The following KDM4C variants were observed in gnomAD, a reference collection of about 807,000 sequenced individuals.
KDM4C encodes lysine demethylase 4C.
Under a neutral mutation model 129.3 loss-of-function variants are expected in KDM4C, and 81 were observed. That is an observed-to-expected ratio of 0.63 (90% CI 0.52 to 0.75). The LOEUF (loss-of-function observed/expected upper bound fraction) is 0.75, where lower values mean the gene tolerates loss of function less well. Ranked by LOEUF, KDM4C falls within the 30% of genes least tolerant of loss-of-function variation. The pLI, the probability that KDM4C is intolerant of heterozygous loss-of-function variation, is 0.00. For missense variants in KDM4C, 1,457 were observed against 1,304.0 expected (o/e 1.12, Z -1.81); for synonymous variants, 573 against 456.1 (o/e 1.26, Z -3.26).
At chr9:7,140,923 G>C (rs1841680741) in intron 19 of KDM4C, among the ~76,000 whole-genome samples, 1 of 152,198 alleles carries the variant, frequency 6.6e-6, no homozygotes, top group Non-Finnish European at 1.5e-5. Context: ...AGTGCGACCT[G>C]AATGAAGATC....
chr9:7,161,144 G>A (rs1036225480), intron 19 of KDM4C, among the ~76,000 whole-genome samples: 28 of 152,312 alleles, frequency 1.8e-4, no homozygotes, highest in African/African-American at 6.3e-4. Context: ...AGCCAGGCAC[G>A]GGAGAGAATC....
At chr9:6,816,675 C>G (rs533624324) in intron 4 of KDM4C, among the ~76,000 whole-genome samples, 1 of 152,188 alleles carries the variant, frequency 6.6e-6, no homozygotes, top group African/African-American at 2.4e-5. Context: ...CCCACATCCT[C>G]CCTAACACTC....
chr9:6,763,191 A>G (rs1819924993), intron 1 of KDM4C, among the ~76,000 whole-genome samples: 1 of 152,046 alleles, frequency 6.6e-6, no homozygotes. Flanking sequence ...TCTAGGGAAA[A>G]AGTCCTAACT....
intron 17 of KDM4C, among the ~76,000 whole-genome samples, chr9:7,082,164 G>T (rs1020098291): frequency 1.4e-4 from 18 of 126,280 alleles, no homozygotes; most frequent in Non-Finnish European, 3.0e-4. Flanking sequence ...CCTCACATGG[G>T]GCCTGAGTTT....
At chr9:6,730,778 A>C (rs543654279) in intron 1 of KDM4C, among the ~76,000 whole-genome samples, 10 of 152,258 alleles carry the variant, frequency 6.6e-5, no homozygotes, top group African/African-American at 2.2e-4. Context: ...TAGAAATCAG[A>C]GGTGAGGTCC....
At chr9:7,110,161 T>C (rs1838158761) in intron 18 of KDM4C, among the ~76,000 whole-genome samples, 1 of 152,192 alleles carries the variant, frequency 6.6e-6, no homozygotes, top group Non-Finnish European at 1.5e-5. Flanking sequence ...CAGTGGGAAA[T>C]GCCAAAGTTA....
At chr9:6,846,470 T>G (rs987123172) in intron 4 of KDM4C, among the ~76,000 whole-genome samples, 2 of 152,194 alleles carry the variant, frequency 1.3e-5, no homozygotes, top group Middle Eastern at 3.2e-3. Flanking sequence ...AGAGCCTTTG[T>G]GGAGCCTGTT....
At position 6,946,148 on chromosome 9, in the gene KDM4C, T is replaced by C. The variant is rs144210735; in HGVS notation, c.922-34777T>C. 2.9e-3 allele frequency among the ~76,000 whole-genome samples: 444 copies of C among 152,250 alleles called. 5 individuals carry two copies. In the East Asian group the frequency reaches 0.038, roughly 13 times the overall value. The stretch of plus-strand genomic sequence containing the variant: ...GTTAGTGGATCATATGGATTGGAGA[T>C]GAAGTAGTTGCAATTGATACTATAC... On this transcript the variant is annotated intron_variant, in intron 8 of 21. Coordinates refer to ENST00000381309, the MANE Select transcript of KDM4C (RefSeq NM_015061.6).
intron 4 of KDM4C, among the ~76,000 whole-genome samples, chr9:6,842,550 G>A (rs1837152356): frequency 6.6e-6 from 1 of 151,726 alleles, no homozygotes; most frequent in African/African-American, 2.4e-5. Flanking sequence ...TGTTGACCAG[G>A]GTAGTCTAGA....
intron 4 of KDM4C, among the ~76,000 whole-genome samples, chr9:6,847,240 GA>G (rs1263585104): frequency 6.6e-6 from 1 of 152,138 alleles, no homozygotes; most frequent in Non-Finnish European, 1.5e-5. Flanking sequence ...CTTCACTAAT[GA>G]CTTTTAAATA....
intron 17 of KDM4C, among the ~76,000 whole-genome samples, chr9:7,089,688 C>T (rs559187881): frequency 7.9e-5 from 12 of 152,186 alleles, no homozygotes; most frequent in African/African-American, 2.9e-4. Flanking sequence ...TTCCCATAAA[C>T]TCCTTAAAAC....
chr9:7,061,284 C>G (rs758746162), intron 17 of KDM4C, among the ~76,000 whole-genome samples: 1 of 152,210 alleles, frequency 6.6e-6, no homozygotes, highest in African/African-American at 2.4e-5. Context: ...TACATCTCCT[C>G]AAGATATTCA....
intron 1 of KDM4C, among the ~76,000 whole-genome samples, chr9:6,774,691 C>A (rs748310586): frequency 6.6e-6 from 1 of 152,052 alleles, no homozygotes; most frequent in Non-Finnish European, 1.5e-5. Context: ...AAAATATTTT[C>A]TTGCAGATAT....
chr9:6,877,447 G>A (rs796507709), intron 5 of KDM4C, among the ~76,000 whole-genome samples: 24 of 152,038 alleles, frequency 1.6e-4, no homozygotes, highest in African/African-American at 3.1e-4. Flanking sequence ...TGATCTGCCC[G>A]CCTCGACCTC....
chr9:6,749,662 T>C (rs1353683372), intron 1 of KDM4C, among the ~76,000 whole-genome samples: 1 of 151,462 alleles, frequency 6.6e-6, no homozygotes, highest in East Asian at 1.9e-4. Flanking sequence ...AGTGAGAGCC[T>C]GTCTCAAAAA....
At chr9:6,963,287 A>T (rs892597588) in intron 8 of KDM4C, among the ~76,000 whole-genome samples, 1 of 152,214 alleles carries the variant, frequency 6.6e-6, no homozygotes, top group Non-Finnish European at 1.5e-5. Context: ...TAATTGTTGG[A>T]AATATATTCA....
chr9:7,034,895 G>A (rs1294969277), intron 15 of KDM4C, among the ~76,000 whole-genome samples: 1 of 152,146 alleles, frequency 6.6e-6, no homozygotes, highest in African/African-American at 2.4e-5. Context: ...ATAACTCATT[G>A]TAGTTTTGAT....
chr9:6,882,743 G>C (rs1027135423), intron 6 of KDM4C, among the ~76,000 whole-genome samples: 1 of 151,904 alleles, frequency 6.6e-6, no homozygotes, highest in Admixed American at 6.6e-5. Context: ...TTGCTACCAA[G>C]GGTTAGTTTA....
chr9:7,094,162 T>C (rs963899387), intron 17 of KDM4C, among the ~76,000 whole-genome samples: 2 of 152,184 alleles, frequency 1.3e-5, no homozygotes, highest in African/African-American at 2.4e-5. Context: ...TGCAGAAATA[T>C]TGACCATTTA....
Sources: gnomAD v4.1 joint callset for allele counts (sites outside exome capture counted in the v4.1 genomes callset) on GRCh38, gnomAD v4.1.1 for gene constraint, MANE v1.5 for transcripts, NCBI Gene and HGNC (gene_info 2026-07-23, HGNC 2026-07-21) for gene names.